The following SCAPER variants were observed in gnomAD, a reference collection of about 807,000 sequenced individuals.
SCAPER encodes the protein S-phase cyclin A associated protein in the ER.
Under a neutral mutation model 182.2 loss-of-function variants are expected in SCAPER, and 98 were observed. The ratio of observed to expected loss-of-function variants is 0.54; its 90% CI spans 0.46 to 0.64. The LOEUF (loss-of-function observed/expected upper bound fraction) is 0.64. SCAPER is among the 30% of genes least tolerant of loss of function. SCAPER has a pLI of 0.00. For missense variants in SCAPER, 1,432 were observed against 1,690.0 expected (o/e 0.85, Z 2.68); for synonymous variants, 605 against 564.6 (o/e 1.07, Z -1.01).
At chr15:76,637,780 GT>G (rs2053759877) in intron 21 of SCAPER, among the ~76,000 whole-genome samples, 1 of 137,868 alleles carries the variant, frequency 7.3e-6, no homozygotes, top group South Asian at 2.2e-4. Context: ...GTGTGTGTGT[GT>G]GTGTGTGTGT....
intron 7 of SCAPER, among the ~76,000 whole-genome samples, chr15:76,798,782 A>C (rs2065526838): frequency 6.6e-6 from 1 of 152,260 alleles, no homozygotes; most frequent in Non-Finnish European, 1.5e-5. Context: ...ATTAACCAAG[A>C]ATTCTACATA....
intron 2 of SCAPER, among the ~76,000 whole-genome samples, chr15:76,866,935 T>G (rs1029875966): frequency 4.6e-5 from 7 of 152,102 alleles, no homozygotes; most frequent in Non-Finnish European, 8.8e-5. Context: ...GTATGGAGAT[T>G]TTACAGAGGC....
At position 76,466,419 on chromosome 15, in the gene SCAPER, C is replaced by CTTTTTTTTTTTTTTT; in HGVS notation, c.3078+4778_3078+4792dup. Among the ~76,000 whole-genome samples the CTTTTTTTTTTTTTTT allele has an allele frequency of 4.3e-4, 16 of 37,416 alleles. 2 individuals are homozygous for CTTTTTTTTTTTTTTT. The highest frequency in any genetic ancestry group is 4.8e-4 in the Admixed American group (1 of 2,086). 24.5% of individuals were successfully genotyped at this position (37,416 alleles called of 152,430 possible). ...TCAGTTCCAAAATTGGTTGGTTCTT[C>CTTTTTTTTTTTTTTT]TTTTTTTTTTTTTTTTTTTTTTTGT... On this transcript the variant is annotated intron_variant, in intron 25 of 31. Transcript: ENST00000563290.
At chr15:76,455,570 T>C (rs1567173896) in intron 25 of SCAPER, among the ~76,000 whole-genome samples, 1 of 152,216 alleles carries the variant, frequency 6.6e-6, no homozygotes, top group Non-Finnish European at 1.5e-5. Context: ...TTTGAACTCT[T>C]GTGCTCAAGC....
intron 20 of SCAPER, among the ~76,000 whole-genome samples, chr15:76,679,526 A>C (rs1260548073): frequency 2.0e-5 from 3 of 152,234 alleles, no homozygotes; most frequent in Non-Finnish European, 4.4e-5. Context: ...AATTATACAA[A>C]AGATTCAACT....
chr15:76,878,558 A>G (rs1481558404), intron 2 of SCAPER, among the ~76,000 whole-genome samples: 2 of 152,198 alleles, frequency 1.3e-5, no homozygotes, highest in Non-Finnish European at 2.9e-5. Context: ...GCTACAGAGT[A>G]GGAGAAGTGC....
chr15:76,677,893 T>G (rs1483788352), intron 20 of SCAPER, among the ~76,000 whole-genome samples: 1 of 151,906 alleles, frequency 6.6e-6, no homozygotes, highest in African/African-American at 2.4e-5. Context: ...AATAGGTTCA[T>G]GATCTTTGGA....
At chr15:76,704,339 T>C (rs963172308) in intron 18 of SCAPER, among the ~76,000 whole-genome samples, 7 of 152,204 alleles carry the variant, frequency 4.6e-5, no homozygotes, top group South Asian at 2.1e-4. Flanking sequence ...AGATCCCATA[T>C]GTCAATTTTG....
intron 2 of SCAPER, among the ~76,000 whole-genome samples, chr15:76,873,331 A>AAGGCAGGC (rs56176862): frequency 3.2e-4 from 27 of 83,766 alleles, no homozygotes; most frequent in South Asian, 4.5e-4. Flanking sequence ...GGAAGGAAGG[A>AAGGCAGGC]AGGCAGGCAG....
intron 27 of SCAPER, among the ~76,000 whole-genome samples, chr15:76,395,676 G>A (rs566334206): frequency 1.6e-4 from 25 of 151,978 alleles, no homozygotes; most frequent in Non-Finnish European, 3.4e-4. Flanking sequence ...CAGATCTTTC[G>A]CCCATTTAAA....
At chr15:76,542,074 C>T (rs1183161793) in intron 23 of SCAPER, among the ~76,000 whole-genome samples, 1 of 152,150 alleles carries the variant, frequency 6.6e-6, no homozygotes, top group African/African-American at 2.4e-5. Flanking sequence ...AACTGTTCTA[C>T]TCATCTGACT....
intron 23 of SCAPER, among the ~76,000 whole-genome samples, chr15:76,560,888 A>T (rs566768890): frequency 1.3e-5 from 2 of 152,286 alleles, no homozygotes; most frequent in South Asian, 4.1e-4. Context: ...AATGTATTAT[A>T]TTAAGGAGAA....
intron 21 of SCAPER, among the ~76,000 whole-genome samples, chr15:76,637,734 ATATATATATGTGTGTGTG>A (rs1229594583): frequency 3.2e-5 from 1 of 31,530 alleles, no homozygotes; most frequent in African/African-American, 8.0e-5. Context: ...ATATATATAT[ATATATATATGTGTGTGTG>A]TGTGTGTGTG....
chr15:76,479,017 C>T (rs765202744), intron 24 of SCAPER, among the ~76,000 whole-genome samples: 21 of 152,064 alleles, frequency 1.4e-4, no homozygotes, highest in Non-Finnish European at 2.4e-4. Context: ...AAACAACACA[C>T]GGTATGGGAC....
At position 76,547,045 on chromosome 15, in the gene SCAPER, A is replaced by G. The variant is rs146522783; in HGVS notation, c.2838+27113T>C. Reference sequence around the variant, plus strand: ...AGATCTCACCACATTCAACTACAAAATTTTCTCCAAAGTATAAGCCTAGAA... The same window carrying G: ...AGATCTCACCACATTCAACTACAAAGTTTTCTCCAAAGTATAAGCCTAGAA... On this transcript the variant is annotated intron_variant, in intron 23 of 31. Coordinates refer to ENST00000563290, the MANE Select transcript of SCAPER (RefSeq NM_020843.4). Among the ~76,000 whole-genome samples, 70 of 152,218 alleles carry G rather than the reference A, an allele frequency of 4.6e-4. 1 individual carries two copies. Among genetic ancestry groups the G allele is most frequent in the African/African-American group, 1.6e-3 (65 of 41,536 alleles).
chr15:76,508,519 T>C (rs1056033895), intron 23 of SCAPER, among the ~76,000 whole-genome samples: 2 of 152,188 alleles, frequency 1.3e-5, no homozygotes, highest in Non-Finnish European at 2.9e-5. Context: ...ATGTTTGTGG[T>C]ATAGTGTTAA....
chr15:76,606,247 C>A (rs1188370774), intron 22 of SCAPER, among the ~76,000 whole-genome samples: 1 of 152,174 alleles, frequency 6.6e-6, no homozygotes, highest in Admixed American at 6.5e-5. Context: ...TTTCAAAGAA[C>A]ATCTTTATTT....
intron 22 of SCAPER, among the ~76,000 whole-genome samples, chr15:76,589,903 T>G (rs1037985885): frequency 6.6e-6 from 1 of 152,170 alleles, no homozygotes; most frequent in African/African-American, 2.4e-5. Context: ...CTCTCTAAAT[T>G]GACTCAGCTC....
chr15:76,736,465 T>C (rs1342164297), intron 15 of SCAPER, among the ~76,000 whole-genome samples: 1 of 152,244 alleles, frequency 6.6e-6, no homozygotes, highest in African/African-American at 2.4e-5. Flanking sequence ...TTACCCATAG[T>C]AGAGTTTCTT....
Sources: allele counts gnomAD v4.1 joint callset (sites outside exome capture counted in the v4.1 genomes callset), GRCh38; gene constraint gnomAD v4.1.1; transcripts MANE v1.5; gene names NCBI Gene and HGNC (gene_info 2026-07-23, HGNC 2026-07-21).